The following SNX13 variants were observed in gnomAD, a reference collection of about 807,000 sequenced individuals.
SNX13 encodes sorting nexin 13, also known as sorting nexin-13.
Under a neutral mutation model 133.6 loss-of-function variants are expected in SNX13, and 45 were observed. That is an observed-to-expected ratio of 0.34 (90% CI 0.27 to 0.43). The LOEUF is 0.43. SNX13 is among the 20% of genes least tolerant of loss of function. The pLI is 1.00. For synonymous variants in SNX13, 414 were observed against 373.9 expected (o/e 1.11, Z -1.24); for missense variants, 1,032 against 1,145.1 (o/e 0.90, Z 1.43).
At chr7:17,916,119 C>T (rs1340019376) in intron 1 of SNX13, among the ~76,000 whole-genome samples, 1 of 151,964 alleles carries the variant, frequency 6.6e-6, no homozygotes, top group South Asian at 2.1e-4. Flanking sequence ...TGAAAACAGG[C>T]CAAAACCTCT....
At chr7:17,809,995 T>C (rs187660834) in intron 20 of SNX13, among the ~76,000 whole-genome samples, 9 of 152,162 alleles carry the variant, frequency 5.9e-5, no homozygotes, top group Admixed American at 5.9e-4. Context: ...TTTATAGCAG[T>C]AAATGCCCCC....
chr7:17,829,870 T>C, intron 16 of SNX13, 140 bp downstream of exon 16: 1 of 494,954 alleles, frequency 2.0e-6, no homozygotes, highest in East Asian at 3.4e-5. Flanking sequence ...TTAGCATTTC[T>C]TTAAAAGCAT....
In SNX13 at chr7:17,859,071, A is replaced by C. The variant is rs988016042; in HGVS notation, c.838-8107T>G. Among the ~76,000 whole-genome samples, 18 of 152,136 alleles carry C rather than the reference A, an allele frequency of 1.2e-4. No homozygotes were observed. The East Asian group carries it at 1.5e-3, about 13-fold the overall frequency. ...TCCTAGAGAAGACCAAAAAAATACTAGCTGTGGAACCCAAATTGGGAAATT... is the reference window on the plus strand; with the variant it reads ...TCCTAGAGAAGACCAAAAAAATACTCGCTGTGGAACCCAAATTGGGAAATT... On this transcript the variant is annotated intron_variant, in intron 9 of 25. Coordinates refer to ENST00000428135, the MANE Select transcript of SNX13 (RefSeq NM_015132.5).
At chr7:17,841,553 T>TACAC (rs71553704) in intron 12 of SNX13, among the ~76,000 whole-genome samples, 21,854 of 142,778 alleles carry the variant, frequency 0.15, 1,940 homozygotes, top group East Asian at 0.25. Context: ...CAGTTATTCA[T>TACAC]ACACACACAC....
chr7:17,822,754 T>C (rs1237967323), intron 17 of SNX13, among the ~76,000 whole-genome samples: 2 of 152,320 alleles, frequency 1.3e-5, no homozygotes, highest in South Asian at 2.1e-4. Flanking sequence ...AGCGTTCACA[T>C]TGAACAGTGT....
At chr7:17,809,598 C>T (rs1207287767) in intron 20 of SNX13, among the ~76,000 whole-genome samples, 1 of 152,170 alleles carries the variant, frequency 6.6e-6, no homozygotes, top group Non-Finnish European at 1.5e-5. Flanking sequence ...AGGACTTGAA[C>T]TCAGCTGTGG....
intron 5 of SNX13, chr7:17,882,810 G>T: frequency 8.0e-7 from 1 of 1,247,162 alleles, no homozygotes; most frequent in Non-Finnish European, 1.0e-6. Flanking sequence ...TTCAGAGCCA[G>T]AATTTAAATT....
At position 17,817,753 on chromosome 7, in the gene SNX13, A is replaced by T. The variant is rs186897556; in HGVS notation, c.1846-1464T>A. Among the ~76,000 whole-genome samples the T allele has an allele frequency of 5.9e-5, 9 of 152,190 alleles. No individual in the cohort carries two copies. In the South Asian group the frequency reaches 6.2e-4, roughly 11 times the overall value. On this transcript the variant is annotated intron_variant, in intron 18 of 25. Transcript: ENST00000428135. ...CTGAACATCACATGTGAAAAAAAAA[A>T]TTTTCGAAGTAAATTTACTTTTTCA...
chr7:17,860,909 T>A (rs946207664), intron 9 of SNX13, among the ~76,000 whole-genome samples: 1 of 152,220 alleles, frequency 6.6e-6, no homozygotes, highest in African/African-American at 2.4e-5. Flanking sequence ...CAAAGAAATA[T>A]CATTGGGATT....
At chr7:17,807,738 G>T (rs1213562509) in intron 20 of SNX13, among the ~76,000 whole-genome samples, 1 of 152,194 alleles carries the variant, frequency 6.6e-6, no homozygotes, top group Non-Finnish European at 1.5e-5. Flanking sequence ...TCTGGAGAGT[G>T]CCCCTCTGGG....
At chr7:17,864,717 C>T (rs1043430064) in intron 9 of SNX13, among the ~76,000 whole-genome samples, 1 of 151,358 alleles carries the variant, frequency 6.6e-6, no homozygotes, top group Non-Finnish European at 1.5e-5. Flanking sequence ...GTAAATCAAA[C>T]TCTCCAAGGT....
At chr7:17,859,618 G>A (rs1323897221) in intron 9 of SNX13, among the ~76,000 whole-genome samples, 1 of 152,138 alleles carries the variant, frequency 6.6e-6, no homozygotes, top group East Asian at 1.9e-4. Flanking sequence ...TTTTTAAAGA[G>A]TTCTCTGATC....
At chr7:17,855,706 T>C (rs899898956) in intron 9 of SNX13, among the ~76,000 whole-genome samples, 6 of 152,246 alleles carry the variant, frequency 3.9e-5, no homozygotes, top group Non-Finnish European at 8.8e-5. Context: ...CAAAATATTA[T>C]TGCTCACTGA....
intron 9 of SNX13, among the ~76,000 whole-genome samples, chr7:17,862,074 A>G (rs898676478): frequency 3.3e-5 from 5 of 152,208 alleles, no homozygotes; most frequent in Admixed American, 6.5e-5. Flanking sequence ...GCCCACTCCA[A>G]AATGTTTTTA....
intron 1 of SNX13, chr7:17,898,134 C>A (rs1349498025): frequency 1.3e-5 from 2 of 149,116 alleles, no homozygotes; most frequent in South Asian, 2.1e-4. Flanking sequence ...AAAAAAAAAA[C>A]GCCTTTTATT....
At chr7:17,821,388 T>C in intron 18 of SNX13, 121 bp downstream of exon 18, 1 of 923,254 alleles carries the variant, frequency 1.1e-6, no homozygotes, top group Non-Finnish European at 1.6e-6. Flanking sequence ...TTATGGTGAT[T>C]ATACCAAAAA....
At chr7:17,924,405 G>C (rs1317087871) in intron 1 of SNX13, among the ~76,000 whole-genome samples, 1 of 152,190 alleles carries the variant, frequency 6.6e-6, no homozygotes, top group East Asian at 1.9e-4. Context: ...AGAGGCACTA[G>C]AGAGATGCAA....
intron 1 of SNX13, among the ~76,000 whole-genome samples, chr7:17,931,457 G>A (rs1801381578): frequency 6.6e-6 from 1 of 152,042 alleles, no homozygotes; most frequent in African/African-American, 2.4e-5. Flanking sequence ...AAACTTCACA[G>A]GACAATGAAT....
intron 1 of SNX13, among the ~76,000 whole-genome samples, chr7:17,909,342 A>G (rs1473373000): frequency 6.6e-6 from 1 of 152,204 alleles, no homozygotes; most frequent in Non-Finnish European, 1.5e-5. Flanking sequence ...CAGCAATCCC[A>G]TTACTGGGTA....
Sources: allele counts gnomAD v4.1 joint callset (sites outside exome capture counted in the v4.1 genomes callset), GRCh38; gene constraint gnomAD v4.1.1; transcripts MANE v1.5; gene names NCBI Gene and HGNC (gene_info 2026-07-23, HGNC 2026-07-21).